The following FMN2 variants were observed in gnomAD, a reference collection of about 807,000 sequenced individuals.
FMN2 encodes formin 2.
Under a neutral mutation model 142.3 loss-of-function variants are expected in FMN2, and 51 were observed. The observed-to-expected ratio is 0.36, with a 90% CI of 0.29 to 0.45. The LOEUF (loss-of-function observed/expected upper bound fraction) is 0.45. FMN2 is among the 20% of genes least tolerant of loss of function. FMN2 has a pLI of 1.00. For missense variants in FMN2, 1,936 were observed against 2,122.8 expected (o/e 0.91, Z 1.73); for synonymous variants, 882 against 869.8 (o/e 1.01, Z -0.25).
At chr1:240,441,565 C>T (rs9725726) in intron 16 of FMN2, among the ~76,000 whole-genome samples, 21,085 of 150,892 alleles carry the variant, frequency 0.14, 2,085 homozygotes, top group East Asian at 0.31. Flanking sequence ...CCTAACAATA[C>T]GTCTATTTTA....
intron 15 of FMN2, among the ~76,000 whole-genome samples, chr1:240,429,961 C>T (rs1414412850): frequency 6.6e-6 from 1 of 151,498 alleles, no homozygotes; most frequent in African/African-American, 2.4e-5. Flanking sequence ...TCTCAGCTCA[C>T]TGCAAGCTCT....
intron 1 of FMN2, among the ~76,000 whole-genome samples, chr1:240,107,026 T>C (rs887613453): frequency 6.6e-6 from 1 of 151,682 alleles, no homozygotes; most frequent in African/African-American, 2.4e-5. Context: ...AATTTTCCAG[T>C]AGCTTTCCAT....
chr1:240,166,184 C>T (rs571085632), intron 2 of FMN2, among the ~76,000 whole-genome samples: 127 of 150,018 alleles, frequency 8.5e-4, no homozygotes, highest in Non-Finnish European at 1.5e-3. Context: ...AACGTTACCT[C>T]ATTATATAAT....
At position 240,334,157 on chromosome 1, in the gene FMN2, C is replaced by CT; in HGVS notation, c.4698dup (p.Gln1567SerfsTer8). The CT allele has an allele frequency of 6.2e-7, 1 of 1,609,228 alleles. No individual in the cohort carries two copies. Among genetic ancestry groups the CT allele is most frequent in the Admixed American group, 1.7e-5 (1 of 58,826 alleles). ...CTTTCCACTGCCAGAACCCCAGGAC[C>CT]TTTTTCAGGCCTCACAGATGAAGTT... On this transcript the variant is annotated frameshift_variant, in exon 13 of 18. Transcript: ENST00000319653. LOFTEE classifies it high-confidence loss of function.
intron 7 of FMN2, among the ~76,000 whole-genome samples, chr1:240,268,751 G>A (rs1668896217): frequency 6.6e-6 from 1 of 152,030 alleles, no homozygotes; most frequent in Non-Finnish European, 1.5e-5. Flanking sequence ...TCTAACAGGT[G>A]TGAGATAGTA....
chr1:240,250,260 T>C (rs925600440), intron 6 of FMN2, among the ~76,000 whole-genome samples: 5 of 152,170 alleles, frequency 3.3e-5, no homozygotes, highest in African/African-American at 1.2e-4. Flanking sequence ...TTGAGGTATG[T>C]TCCTACTATA....
Position 240,465,384 on chromosome 1 carries a change from G to GTGTC in FMN2, c.5061-6982_5061-6979dup, listed in dbSNP as rs1553268382. On this transcript the variant is annotated intron_variant, in intron 16 of 17. Transcript: ENST00000319653. ...TGTGTGTGTGTGTGTGTGTGTGTGT[G>GTGTC]TGTCTGTCTTTCTCTTTTTTCTCTC... 2.0e-3 allele frequency among the ~76,000 whole-genome samples: 256 copies of GTGTC among 129,016 alleles called. 3 individuals carry two copies. The highest frequency in any genetic ancestry group is 6.5e-3 in the African/African-American group (234 of 36,018). 84.6% of individuals were successfully genotyped at this position (129,016 alleles called of 152,430 possible).
intron 2 of FMN2, among the ~76,000 whole-genome samples, chr1:240,130,070 GC>G (rs1233278315): frequency 1.1e-4 from 16 of 151,944 alleles, no homozygotes; most frequent in Non-Finnish European, 8.8e-5. Context: ...TTTAGTCTGA[GC>G]CCTGTTTACC....
At chr1:240,155,895 T>G (rs1664003559) in intron 2 of FMN2, among the ~76,000 whole-genome samples, 3 of 104,306 alleles carry the variant, frequency 2.9e-5, no homozygotes, top group Non-Finnish European at 5.4e-5. Context: ...AATTAGATAC[T>G]TTTTTTTTTT....
chr1:240,327,430 C>T (rs1309993967), intron 8 of FMN2, among the ~76,000 whole-genome samples: 5 of 152,126 alleles, frequency 3.3e-5, no homozygotes, highest in Admixed American at 6.5e-5. Flanking sequence ...TCTATCAATT[C>T]TCTTGAAATT....
chr1:240,207,068 C>T lies in FMN2; in HGVS notation c.2256C>T (p.Gly752=), dbSNP rs140392779. ...TACAGACTTCCCCCACGGAAGAGGG[C>T]GGGGTGCTGACACTGCCTCCTGTGG... The part of the protein sequence containing the change: ...KSIQTSPTEE[G]GVLTLPPVDG... The change falls in exon 5 of 18, where the codon GGC becomes GGT. Residue 752 remains glycine (G), a synonymous_variant. Coordinates refer to ENST00000319653, the MANE Select transcript of FMN2 (RefSeq NM_020066.5). The T allele has an allele frequency of 3.4e-4, 548 of 1,614,072 alleles. No individual in the cohort carries two copies. Among genetic ancestry groups the T allele is most frequent in the South Asian group, 4.3e-4 (39 of 91,080 alleles).
chr1:240,379,685 A>G (rs181767927), intron 14 of FMN2, among the ~76,000 whole-genome samples: 77 of 152,288 alleles, frequency 5.1e-4, no homozygotes, highest in Admixed American at 1.6e-3. Flanking sequence ...CATATATTAA[A>G]TACATTTTTC....
intron 16 of FMN2, among the ~76,000 whole-genome samples, chr1:240,447,140 A>G (rs1675848649): frequency 1.3e-5 from 2 of 152,130 alleles, no homozygotes; most frequent in African/African-American, 4.8e-5. Context: ...ACAGACAGCA[A>G]TTCGCTCACC....
At chr1:240,254,611 G>A (rs943320204) in intron 6 of FMN2, among the ~76,000 whole-genome samples, 2 of 152,132 alleles carry the variant, frequency 1.3e-5, no homozygotes, top group African/African-American at 4.8e-5. Flanking sequence ...GTGGCCCTGA[G>A]GCCCTGCTGC....
intron 2 of FMN2, among the ~76,000 whole-genome samples, chr1:240,130,231 A>G (rs73128567): frequency 0.094 from 14,382 of 152,220 alleles, 805 homozygotes; most frequent in African/African-American, 0.13. Context: ...CAGTATTCCA[A>G]TATCACAACC....
chr1:240,147,972 T>C (rs1663559275), intron 2 of FMN2, among the ~76,000 whole-genome samples: 1 of 152,234 alleles, frequency 6.6e-6, no homozygotes, highest in Non-Finnish European at 1.5e-5. Context: ...TAGTTGCTAC[T>C]TCGCCATGGA....
Position 240,206,859 on chromosome 1 carries a change from A to T in FMN2, c.2047A>T (p.Ile683Phe). The change falls in exon 5 of 18, where the codon ATT (isoleucine) becomes TTT (phenylalanine). Residue 683 changes from isoleucine (I) to phenylalanine (F), a missense_variant. Coordinates refer to ENST00000319653, the MANE Select transcript of FMN2 (RefSeq NM_020066.5). ...TGTAATTCAGCAGCTGGAACAGACT[A>T]TTGAGGATCTGAGAACCAAAATAGC... is the stretch of plus-strand genomic sequence containing the variant. ...ATVIQQLEQT[I>F]EDLRTKIAEL... The T allele has an allele frequency of 6.2e-7, 1 of 1,614,184 alleles. No homozygotes were observed. Among genetic ancestry groups the T allele is most frequent in the Non-Finnish European group, 8.5e-7 (1 of 1,180,008 alleles).
chr1:240,472,141 C>G, intron 16 of FMN2: 1 of 445,254 alleles, frequency 2.2e-6, no homozygotes. Context: ...GTATATTACT[C>G]CATTCAATCA....
At chr1:240,373,542 A>G (rs1208175442) in intron 14 of FMN2, among the ~76,000 whole-genome samples, 1 of 152,196 alleles carries the variant, frequency 6.6e-6, no homozygotes, top group East Asian at 1.9e-4. Flanking sequence ...TGTTCACAGC[A>G]TCTTTAACAG....
Sources: gnomAD v4.1 joint callset for allele counts (sites outside exome capture counted in the v4.1 genomes callset) on GRCh38, gnomAD v4.1.1 for gene constraint, MANE v1.5 for transcripts, NCBI Gene and HGNC (gene_info 2026-07-23, HGNC 2026-07-21) for gene names.